The following ZNF831 variants were observed in gnomAD, a reference collection of about 807,000 sequenced individuals.
ZNF831 encodes chromosome 20 open reading frame 174.
In ZNF831, 59 loss-of-function variants were observed where a neutral mutation model predicts 95.8. The ratio of observed to expected loss-of-function variants is 0.62; its 90% CI spans 0.50 to 0.77. The LOEUF (loss-of-function observed/expected upper bound fraction) is 0.77, where lower values mean the gene tolerates loss of function less well. ZNF831 is among the 30% of genes least tolerant of loss of function. The pLI, the probability that ZNF831 is intolerant of heterozygous loss-of-function variation, is 0.00. For missense variants in ZNF831, 2,205 were observed against 2,164.0 expected, an observed-to-expected ratio of 1.02 and a Z score of -0.38; for synonymous variants, 961 against 925.5, an observed-to-expected ratio of 1.04 and a Z score of -0.70.
At chr20:59,233,000 A>G (rs1229948831) in intron 4 of ZNF831, among the ~76,000 whole-genome samples, 19 of 78,178 alleles carry the variant, frequency 2.4e-4, no homozygotes, top group Admixed American at 4.9e-4. Context: ...TGAGGCACAC[A>G]CACACACACA....
At chr20:59,238,526 C>A (rs761625410) in intron 4 of ZNF831, among the ~76,000 whole-genome samples, 3 of 152,186 alleles carry the variant, frequency 2.0e-5, no homozygotes, top group Non-Finnish European at 4.4e-5. Context: ...AGAGGAGCAG[C>A]CAGTCGCCTA....
intron 4 of ZNF831, among the ~76,000 whole-genome samples, chr20:59,240,564 G>A (rs1395095942): frequency 6.6e-6 from 1 of 152,134 alleles, no homozygotes; most frequent in Non-Finnish European, 1.5e-5. Context: ...CACTTTGGGA[G>A]GCTGAGGCGG....
At chr20:59,220,186 T>C (rs986403841) in intron 4 of ZNF831, among the ~76,000 whole-genome samples, 3 of 152,204 alleles carry the variant, frequency 2.0e-5, no homozygotes, top group Non-Finnish European at 4.4e-5. Flanking sequence ...AATTTTCCTA[T>C]GCAACGTGCT....
At chr20:59,201,291 A>G (rs1308357438) in intron 3 of ZNF831, among the ~76,000 whole-genome samples, 1 of 152,122 alleles carries the variant, frequency 6.6e-6, no homozygotes, top group Non-Finnish European at 1.5e-5. Flanking sequence ...TTCTCTGGCG[A>G]AGTGTCTCTT....
At chr20:59,242,817 C>T (rs986595460) in intron 4 of ZNF831, among the ~76,000 whole-genome samples, 1 of 152,174 alleles carries the variant, frequency 6.6e-6, no homozygotes, top group Non-Finnish European at 1.5e-5. Context: ...GCTTCATCAC[C>T]AAGTCAACCC....
upstream of ZNF831, among the ~76,000 whole-genome samples, chr20:59,162,780 CT>C (rs1319748224): frequency 2.0e-5 from 3 of 152,028 alleles, no homozygotes; most frequent in Non-Finnish European, 2.9e-5. Flanking sequence ...ATTCGGGCTC[CT>C]TTTTGGTTCC....
chr20:59,167,085 C>T (rs1188633043), intron 1 of ZNF831, among the ~76,000 whole-genome samples: 2 of 152,210 alleles, frequency 1.3e-5, no homozygotes, highest in Admixed American at 6.5e-5. Flanking sequence ...CAGATCCTCG[C>T]CAGCATTTGC....
intron 4 of ZNF831, among the ~76,000 whole-genome samples, chr20:59,219,267 A>G (rs1226754670): frequency 6.6e-6 from 1 of 152,184 alleles, no homozygotes; most frequent in Non-Finnish European, 1.5e-5. Context: ...TTGGTGGACC[A>G]AGACACCTTT....
chr20:59,228,187 A>C (rs889635979), intron 4 of ZNF831, among the ~76,000 whole-genome samples: 1 of 152,150 alleles, frequency 6.6e-6, no homozygotes, highest in Non-Finnish European at 1.5e-5. Context: ...AACCACGCTA[A>C]AACTCAGTGT....
chr20:59,175,938 C>T (rs1443735931), intron 1 of ZNF831, among the ~76,000 whole-genome samples: 1 of 152,198 alleles, frequency 6.6e-6, no homozygotes, highest in African/African-American at 2.4e-5. Context: ...AGTTGAGGTT[C>T]CCTACTCAGC....
chr20:59,167,013 A>G (rs1057502749), intron 1 of ZNF831, among the ~76,000 whole-genome samples: 1 of 152,234 alleles, frequency 6.6e-6, no homozygotes, highest in East Asian at 1.9e-4. Context: ...CCTTTTTTCC[A>G]GAATGGCTGT....
intron 1 of ZNF831, among the ~76,000 whole-genome samples, chr20:59,189,763 G>T (rs1259114764): frequency 1.3e-5 from 2 of 152,116 alleles, no homozygotes; most frequent in Non-Finnish European, 2.9e-5. Flanking sequence ...CGCCCGCCTC[G>T]GCCTCCCAAA....
At position 59,195,858 on chromosome 20, in the gene ZNF831, G is replaced by T. The variant is rs1179241609; in HGVS notation, c.3739-11G>T. ...TGAGTAATGTGATGCCAACATGCTT[G>T]GTGTTTTCAGTTCTCCTACCCAACA... On this transcript the variant is annotated splice_polypyrimidine_tract_variant and intron_variant, in intron 2 of 5. Coordinates refer to ENST00000371030, the MANE Select transcript of ZNF831 (RefSeq NM_178457.3). The T allele has an allele frequency of 1.9e-6, 3 of 1,609,740 alleles. No homozygotes were observed. The highest frequency in any genetic ancestry group is 1.1e-5 in the South Asian group (1 of 90,284).
In ZNF831 at chr20:59,254,553, G is replaced by C. The variant is rs201549554; in HGVS notation, c.4844G>C (p.Arg1615Pro). ...CPSLGSDGRK[R>P]QVSGLITRKD... ...TCTTTAGGAAGTGACGGTAGGAAACGTCAGGTATCTGGATTAATCACTCGG... is the reference window on the plus strand; with the variant it reads ...TCTTTAGGAAGTGACGGTAGGAAACCTCAGGTATCTGGATTAATCACTCGG... Residue 1615 changes from arginine to proline, a missense_variant, in exon 6 of 6, where the codon CGT (arginine) becomes CCT (proline). Coordinates refer to ENST00000371030, the MANE Select transcript of ZNF831 (RefSeq NM_178457.3). This position sits in a 1 kb window ranked among gnomAD's most constrained non-coding sequence, Gnocchi z 4.5. The C allele has an allele frequency of 6.2e-7, 1 of 1,614,054 alleles. No individual in the cohort carries two copies. Among genetic ancestry groups the C allele is most frequent in the Non-Finnish European group, 8.5e-7 (1 of 1,180,024 alleles).
chr20:59,221,030 T>C (rs1986038981), intron 4 of ZNF831, among the ~76,000 whole-genome samples: 2 of 152,228 alleles, frequency 1.3e-5, no homozygotes, highest in South Asian at 2.1e-4. Context: ...ACCTGACTCA[T>C]TTGCCCTTGA....
In ZNF831 at chr20:59,192,794, C is replaced by T. The variant is rs200891052; in HGVS notation, c.1775C>T (p.Ala592Val). The T allele has an allele frequency of 5.7e-5, 92 of 1,612,102 alleles. No individual in the cohort carries two copies. The highest frequency in any genetic ancestry group is 7.1e-5 in the Non-Finnish European group (84 of 1,179,610). The change falls in exon 2 of 6, where the codon GCG becomes GTG. Residue 592 changes from alanine (A) to valine (V), a missense_variant. Ala to Val is a moderately conservative substitution (Grantham distance 64). Coordinates refer to ENST00000371030, the MANE Select transcript of ZNF831 (RefSeq NM_178457.3). This position sits in a 1 kb window ranked among gnomAD's most constrained non-coding sequence, Gnocchi z 5.2. ...AEDTDAKRTA[A>V]REAMAGKGRA... ...GACACAGACGCAAAGAGAACTGCTG[C>T]GCGGGAGGCCATGGCCGGCAAGGGC...
At chr20:59,153,608 C>T (rs1160199139) in intron 2 of ZNF831, among the ~76,000 whole-genome samples, 1 of 152,196 alleles carries the variant, frequency 6.6e-6, no homozygotes, top group African/African-American at 2.4e-5. Context: ...CTCACCAGCA[C>T]ACCCTATGAA....
At chr20:59,251,523 T>C (rs998191694) in intron 4 of ZNF831, among the ~76,000 whole-genome samples, 1 of 152,126 alleles carries the variant, frequency 6.6e-6, no homozygotes, top group African/African-American at 2.4e-5. Context: ...ATGAAACTAC[T>C]AGAAGTTTTG....
In ZNF831 at chr20:59,194,434, C is replaced by T. The variant is rs745689615; in HGVS notation, c.3415C>T (p.Arg1139Trp). ...TGGCTCCTTCCTCACTGCCCTCACT[C>T]GGCCTCAGGGTGTGCCCCCAGGCTG... ...QPGSFLTALT[R>W]PQGVPPGWPE... The change falls in exon 2 of 6, where the codon CGG (arginine) becomes TGG (tryptophan). Residue 1139 changes from arginine to tryptophan, a missense_variant. Physicochemically the swap from Arg to Trp is moderately radical, Grantham distance 101. Transcript: ENST00000371030. 2.4e-5 allele frequency: 39 copies of T among 1,612,452 alleles called. No homozygotes were observed. The highest frequency in any genetic ancestry group is 8.4e-5 in the Admixed American group (5 of 59,876).
Sources: allele counts gnomAD v4.1 joint callset (sites outside exome capture counted in the v4.1 genomes callset), GRCh38; gene constraint gnomAD v4.1.1; non-coding constraint Gnocchi (gnomAD v3.1); transcripts MANE v1.5; gene names NCBI Gene and HGNC (gene_info 2026-07-23, HGNC 2026-07-21).